Variants in TGFB1 observed in about 807,000 individuals in gnomAD.
TGFB1 encodes transforming growth factor beta 1.
Under a neutral mutation model 43.8 loss-of-function variants are expected in TGFB1, and 19 were observed. That is an observed-to-expected ratio of 0.43 (90% CI 0.30 to 0.64). TGFB1 has a LOEUF of 0.64. Among genes scored for constraint, TGFB1 ranks in the 30% least tolerant of loss-of-function variants. The pLI, the probability that TGFB1 is intolerant of heterozygous loss-of-function variation, is 0.11. For synonymous variants in TGFB1, 221 were observed against 236.3 expected, an observed-to-expected ratio of 0.94 and a Z score of 0.60; for missense variants, 445 against 529.8, an observed-to-expected ratio of 0.84 and a Z score of 1.57.
At chr19:41,338,496 CAA>C (rs377737422) in intron 5 of TGFB1, among the ~76,000 whole-genome samples, 5 of 119,678 alleles carry the variant, frequency 4.2e-5, no homozygotes, top group Admixed American at 1.7e-4. Flanking sequence ...AACTCCGTCT[CAA>C]AAAAAAAAAA....
Position 41,342,050 on chromosome 19 carries a change from A to G in TGFB1, c.713-20T>C. On this transcript the variant is annotated intron_variant, in intron 4 of 6. Transcript: ENST00000221930. Reference sequence around the variant, plus strand: ...TGAACCCTGCTTTGGTGTGGGAGTCAGGGGATAGGGGACATACACACACAC... The same window carrying G: ...TGAACCCTGCTTTGGTGTGGGAGTCGGGGGATAGGGGACATACACACACAC... 1 of 1,614,158 alleles carries G rather than the reference A, an allele frequency of 6.2e-7. No homozygotes were observed. The highest frequency in any genetic ancestry group is 1.3e-5 in the African/African-American group (1 of 75,040).
Position 41,334,389 on chromosome 19 carries a change from AAAAG to A in TGFB1, c.861-2112_861-2109del, listed in dbSNP as rs1212283872. On this transcript the variant is annotated intron_variant, in intron 5 of 6. Coordinates refer to ENST00000221930, the MANE Select transcript of TGFB1 (RefSeq NM_000660.7). Reference sequence around the variant, plus strand: ...AGACTCTGTCTTGAAAAGAAAAGAAAAAAGAAAGAAAAGAAAAGAAAAAGTTGAC... The same window carrying A: ...AGACTCTGTCTTGAAAAGAAAAGAAAAAAGAAAAGAAAAGAAAAAGTTGAC... Among the ~76,000 whole-genome samples, 15 of 152,126 alleles carry A rather than the reference AAAAG, an allele frequency of 9.9e-5. No individual in the cohort carries two copies. In the East Asian group the frequency reaches 1.7e-3, roughly 18 times the overall value.
chr19:41,353,185 G>C lies in TGFB1; in HGVS notation c.-141C>G. ...GGAAAGCTGAGGTCCTCAGGGAGAA[G>C]GGCGCAGTGGTGGAGGGGAGGCTTG... On this transcript the variant is annotated 5_prime_UTR_variant, in exon 1 of 7. Coordinates refer to ENST00000221930, the MANE Select transcript of TGFB1 (RefSeq NM_000660.7). This position sits in a 1 kb window ranked among gnomAD's most constrained non-coding sequence, Gnocchi z 5.9. The C allele has an allele frequency of 5.5e-6, 6 of 1,095,036 alleles. No individual in the cohort carries two copies. The highest frequency in any genetic ancestry group is 7.5e-6 in the Non-Finnish European group (6 of 802,834). The allele number at this position is 1,095,036 out of a possible 1,614,324, so 67.8% of individuals were successfully genotyped here. A position where few individuals can be genotyped will look rare whatever the true frequency, so the allele number is the denominator to read the frequency against.
At chr19:41,352,644 C>A in intron 1 of TGFB1, 46 bp downstream of exon 1, 1 of 1,604,142 alleles carries the variant, frequency 6.2e-7, no homozygotes, top group Non-Finnish European at 8.5e-7. Context: ...CACTCCGGCG[C>A]CCCCTGGGGG....
At chr19:41,331,254 AGGAAAACGGCCCTC>A in intron 6 of TGFB1, 44 bp from the exon 7 acceptor site, 1 of 1,465,444 alleles carries the variant, frequency 6.8e-7, no homozygotes, top group Admixed American at 2.4e-5. Context: ...TCGTGGAGGG[AGGAAAACGGCCCTC>A]CACTGCCCCA....
chr19:41,347,343 TAA>T (rs2038127328), intron 2 of TGFB1, among the ~76,000 whole-genome samples: 1 of 152,182 alleles, frequency 6.6e-6, no homozygotes, highest in Non-Finnish European at 1.5e-5. Context: ...AATTTAATTT[TAA>T]ACAATTTAAA....
chr19:41,340,485 T>G (rs1243583959), intron 5 of TGFB1, among the ~76,000 whole-genome samples: 2 of 152,084 alleles, frequency 1.3e-5, no homozygotes, highest in African/African-American at 4.8e-5. Context: ...TTTCACCATG[T>G]TGGCCAGGCT....
intron 2 of TGFB1, among the ~76,000 whole-genome samples, chr19:41,347,253 G>A (rs2123106971): frequency 6.6e-6 from 1 of 152,234 alleles, no homozygotes; most frequent in African/African-American, 2.4e-5. Flanking sequence ...GGACTCCTGG[G>A]CTCAAGCAAT....
chr19:41,330,830 G>C lies in TGFB1; in HGVS notation c.*222C>G, dbSNP rs200340652. On this transcript the variant is annotated 3_prime_UTR_variant, in exon 7 of 7. Transcript: ENST00000221930. The stretch of plus-strand genomic sequence containing the variant: ...TAGTGCAGACAGGCAGGAGGAGGCA[G>C]AGAGGGAGAGAGAGGGAGTGGGAGT... 3.9e-6 allele frequency: 2 copies of C among 515,856 alleles called. No individual in the cohort carries two copies. The highest frequency in any genetic ancestry group is 6.9e-6 in the Non-Finnish European group (2 of 291,124). The allele number at this position is 515,856 out of a possible 1,614,324, so 32.0% of individuals were successfully genotyped here. A position where few individuals can be genotyped will look rare whatever the true frequency, so the allele number is the denominator to read the frequency against.
intron 3 of TGFB1, among the ~76,000 whole-genome samples, chr19:41,343,980 C>CTTTTT (rs3061192): frequency 3.1e-4 from 31 of 98,618 alleles, no homozygotes; most frequent in African/African-American, 6.7e-4. Context: ...TGCCTGGAAT[C>CTTTTT]TTTTTTTTTT....
At chr19:41,337,026 C>T (rs974454462) in intron 5 of TGFB1, among the ~76,000 whole-genome samples, 10 of 151,564 alleles carry the variant, frequency 6.6e-5, no homozygotes, top group African/African-American at 9.7e-5. Context: ...GGTGCAATCT[C>T]GGGTCACTGC....
intron 1 of TGFB1, among the ~76,000 whole-genome samples, 200 bp from the exon 2 acceptor site, chr19:41,348,655 C>G (rs2038146779): frequency 1.3e-5 from 2 of 150,200 alleles, no homozygotes; most frequent in South Asian, 4.2e-4. Flanking sequence ...CGGAGACTCG[C>G]TCTGTCACCC....
At chr19:41,333,289 T>C (rs2037955732) in intron 5 of TGFB1, among the ~76,000 whole-genome samples, 1 of 144,620 alleles carries the variant, frequency 6.9e-6, no homozygotes, top group Admixed American at 7.3e-5. Flanking sequence ...CTCGGCTCAC[T>C]GCAACCTCCG....
intron 5 of TGFB1, among the ~76,000 whole-genome samples, chr19:41,335,209 T>C (rs1441745501): frequency 6.6e-6 from 1 of 151,992 alleles, no homozygotes; most frequent in Non-Finnish European, 1.5e-5. Flanking sequence ...TGTGCCACCA[T>C]GCCTGGCTAA....
At chr19:41,337,484 C>T (rs1026293034) in intron 5 of TGFB1, among the ~76,000 whole-genome samples, 2 of 152,024 alleles carry the variant, frequency 1.3e-5, no homozygotes, top group African/African-American at 4.8e-5. Flanking sequence ...ACCATGTTGG[C>T]CAGGCTGGTC....
At chr19:41,349,340 A>G (rs540854306) in intron 1 of TGFB1, among the ~76,000 whole-genome samples, 1 of 152,346 alleles carries the variant, frequency 6.6e-6, no homozygotes, top group East Asian at 1.9e-4. Flanking sequence ...TCTCTGAGCC[A>G]GGTGTAAGAC....
rs1403099254 is a variant in TGFB1, at chr19:41,353,081, G to C, written c.-37C>G. On this transcript the variant is annotated 5_prime_UTR_variant, in exon 1 of 7. Transcript: ENST00000221930. The surrounding 1 kb of genome is among the most constrained non-coding windows in gnomAD (Gnocchi z 5.9). Reference sequence around the variant, plus strand: ...CGCCCCCCGGCACTGCCGAGAGCGCGAACAGGGCTGGTGTGGTGGGGAGGC... The same window carrying C: ...CGCCCCCCGGCACTGCCGAGAGCGCCAACAGGGCTGGTGTGGTGGGGAGGC... 3 of 1,497,214 alleles carry C rather than the reference G, an allele frequency of 2.0e-6. No homozygotes were observed. The highest frequency in any genetic ancestry group is 4.3e-5 in the Admixed American group (2 of 47,008). The allele number at this position is 1,497,214 out of a possible 1,614,324, so 92.7% of individuals were successfully genotyped here.
At chr19:41,345,410 T>C (rs7249191) in intron 2 of TGFB1, among the ~76,000 whole-genome samples, 6,608 of 151,794 alleles carry the variant, frequency 0.044, 444 homozygotes, top group East Asian at 0.3. Context: ...GGCAGGAGAA[T>C]TGCTTGAGCC....
At position 41,341,466 on chromosome 19, in the gene TGFB1, CAAAAAAAA is replaced by C. The variant is rs770264069; in HGVS notation, c.860+409_860+416del. ...CAGGTGACAGAGCGAGACTCTGTCT[CAAAAAAAA>C]AAAAAAAAAAAAAAAAAGGAACCTG... On this transcript the variant is annotated intron_variant, in intron 5 of 6. Transcript: ENST00000221930. Among the ~76,000 whole-genome samples, 21 of 35,586 alleles carry C rather than the reference CAAAAAAAA, an allele frequency of 5.9e-4. 1 individual carries two copies. Among genetic ancestry groups the C allele is most frequent in the South Asian group, 2.1e-3 (1 of 480 alleles). The allele number at this position is 35,586 out of a possible 152,430, so 23.3% of individuals were successfully genotyped here.
Sources: allele counts gnomAD v4.1 joint callset (sites outside exome capture counted in the v4.1 genomes callset), GRCh38; gene constraint gnomAD v4.1.1; non-coding constraint Gnocchi (gnomAD v3.1); transcripts MANE v1.5; gene names NCBI Gene and HGNC (gene_info 2026-07-23, HGNC 2026-07-21).